ERAP1: variants seen among roughly 807,000 people sequenced by gnomAD.
The protein encoded by ERAP1 is endoplasmic reticulum aminopeptidase 1.
Under a neutral mutation model 103.7 loss-of-function variants are expected in ERAP1, and 86 were observed. That is an observed-to-expected ratio of 0.83 (90% CI 0.70 to 0.99). ERAP1 has a LOEUF of 0.99. Among genes scored for constraint, ERAP1 ranks in the 50% least tolerant of loss-of-function variants. ERAP1 has a pLI of 0.00. For missense variants in ERAP1, 1,009 were observed against 1,128.4 expected (o/e 0.89, Z 1.52); for synonymous variants, 398 against 402.4 (o/e 0.99, Z 0.13).
chr5:96,790,779 A>C, intron 8 of ERAP1, 136 bp from the exon 9 acceptor site: 1 of 789,050 alleles, frequency 1.3e-6, no homozygotes. Flanking sequence ...GCAATTTGTG[A>C]AACAGAGTAA....
At chr5:96,819,645 A>G in the ERAP1 span, among the ~76,000 whole-genome samples, 1 of 152,136 alleles carries the variant, frequency 6.6e-6, no homozygotes, top group South Asian at 2.1e-4. Flanking sequence ...CACTTTTCCT[A>G]GGATTGTTTT....
the ERAP1 span, among the ~76,000 whole-genome samples, chr5:96,856,392 A>C: frequency 3.1e-5 from 4 of 127,924 alleles, no homozygotes; most frequent in Non-Finnish European, 6.7e-5. Context: ...AGAGAGAGAG[A>C]GAGCAAATAC....
chr5:96,768,082 T>C (rs1770687360), intron 19 of ERAP1: 1 of 915,392 alleles, frequency 1.1e-6, no homozygotes, highest in Non-Finnish European at 1.8e-6. Flanking sequence ...TATTGATTGA[T>C]CTATCTATCG....
chr5:96,884,146 CT>C, the ERAP1 span, among the ~76,000 whole-genome samples: 83,175 of 151,226 alleles, frequency 0.55, 22,875 homozygotes, highest in Admixed American at 0.6. Context: ...ACACAGGAAG[CT>C]TTTTTTTTCC....
At chr5:96,927,143 A>C in the ERAP1 span, among the ~76,000 whole-genome samples, 1 of 152,152 alleles carries the variant, frequency 6.6e-6, no homozygotes, top group Non-Finnish European at 1.5e-5. Flanking sequence ...AATGTGCATA[A>C]GTTTTCTGGT....
chr5:96,889,377 C>T, the ERAP1 span: 1 of 1,525,776 alleles, frequency 6.6e-7, no homozygotes, highest in South Asian at 1.1e-5. Context: ...CCCTCTTTCT[C>T]TTTCTATGTG....
the ERAP1 span, among the ~76,000 whole-genome samples, chr5:96,866,653 G>A: frequency 6.6e-6 from 1 of 152,132 alleles, no homozygotes; most frequent in African/African-American, 2.4e-5. Context: ...AAGAAACTTG[G>A]GAGACATCAC....
At chr5:96,838,047 C>T in the ERAP1 span, among the ~76,000 whole-genome samples, 1 of 148,532 alleles carries the variant, frequency 6.7e-6, no homozygotes, top group African/African-American at 2.5e-5. Flanking sequence ...TTAATGGGCA[C>T]AGGGATGGGG....
chr5:96,794,943 G>C (rs1777179019), intron 5 of ERAP1, 99 bp downstream of exon 5: 8 of 1,443,996 alleles, frequency 5.5e-6, no homozygotes, highest in Non-Finnish European at 7.6e-6. Context: ...TGTGGCTTGA[G>C]GGGCTGCTGA....
At chr5:96,896,464 C>T in the ERAP1 span, 2 of 1,613,560 alleles carry the variant, frequency 1.2e-6, no homozygotes, top group South Asian at 2.2e-5. Flanking sequence ...GAAACCCCGA[C>T]TCAAATACAG....
chr5:96,830,767 C>T, the ERAP1 span, among the ~76,000 whole-genome samples: 11 of 152,136 alleles, frequency 7.2e-5, no homozygotes, highest in African/African-American at 2.7e-4. Context: ...CCCCTGATTG[C>T]CTCTGGAGAG....
chr5:96,883,998 A>C, the ERAP1 span: 1 of 1,446,382 alleles, frequency 6.9e-7, no homozygotes, highest in Non-Finnish European at 9.3e-7. Flanking sequence ...TTTGTTTTTT[A>C]AAATTGCTTT....
At chr5:96,892,430 A>G in the ERAP1 span, 1 of 1,614,044 alleles carries the variant, frequency 6.2e-7, no homozygotes, top group Non-Finnish European at 8.5e-7. Flanking sequence ...CACCAGAGTC[A>G]TAGCCCATGA....
chr5:96,908,967 G>T, the ERAP1 span: 1 of 1,613,884 alleles, frequency 6.2e-7, no homozygotes, highest in Non-Finnish European at 8.5e-7. Flanking sequence ...TCAGTGCAGG[G>T]AGACTGACCC....
chr5:96,902,449 A>T, the ERAP1 span: 2 of 714,346 alleles, frequency 2.8e-6, no homozygotes, highest in Non-Finnish European at 4.8e-6. Context: ...ATCTAACAAT[A>T]AAAGATTTAT....
At chr5:96,769,276 G>A (rs893471371) in intron 19 of ERAP1, 4 of 152,116 alleles carry the variant, frequency 2.6e-5, no homozygotes, top group East Asian at 3.9e-4. Context: ...CTGGTAACTC[G>A]TAAGTAATGC....
chr5:96,869,761 T>TCTATCC, the ERAP1 span, among the ~76,000 whole-genome samples: 1 of 152,158 alleles, frequency 6.6e-6, no homozygotes, highest in African/African-American at 2.4e-5. Context: ...TGATCAGACA[T>TCTATCC]CTATCCACAT....
At chr5:96,930,350 G>A in the ERAP1 span, among the ~76,000 whole-genome samples, 1 of 152,154 alleles carries the variant, frequency 6.6e-6, no homozygotes, top group African/African-American at 2.4e-5. Flanking sequence ...TGTTAACACT[G>A]CCATTTTTTG....
the ERAP1 span, among the ~76,000 whole-genome samples, chr5:96,857,402 T>C: frequency 4.6e-5 from 7 of 152,142 alleles, no homozygotes; most frequent in Admixed American, 3.9e-4. Context: ...TGTGATAATT[T>C]TATCCTCAGC....
Sources: allele counts gnomAD v4.1 joint callset (sites outside exome capture counted in the v4.1 genomes callset), GRCh38; gene constraint gnomAD v4.1.1; transcripts MANE v1.5; gene names NCBI Gene and HGNC (gene_info 2026-07-23, HGNC 2026-07-21).